The following GRM1 variants were observed in gnomAD, a reference collection of about 807,000 sequenced individuals.
GRM1 encodes the protein glutamate metabotropic receptor 1, also known as metabotropic glutamate receptor 1.
In GRM1, 33 loss-of-function variants were observed where a neutral mutation model predicts 90.9. That is an observed-to-expected ratio of 0.36 (90% CI 0.28 to 0.49). The LOEUF is 0.49. Among genes scored for constraint, GRM1 ranks in the 20% least tolerant of loss-of-function variants. GRM1 has a pLI of 0.99. For synonymous variants in GRM1, 700 were observed against 613.2 expected, an observed-to-expected ratio of 1.14 and a Z score of -2.09; for missense variants, 1,190 against 1,534.3, an observed-to-expected ratio of 0.78 and a Z score of 3.75.
chr6:146,313,489 C>T (rs112340539), intron 3 of GRM1, among the ~76,000 whole-genome samples: 30 of 152,258 alleles, frequency 2.0e-4, no homozygotes, highest in African/African-American at 6.7e-4. Flanking sequence ...GTTTCTATGG[C>T]ATTTTCCCAT....
In GRM1 at chr6:146,132,523, GT is replaced by G. The variant is rs557644671; in HGVS notation, c.701-26824del. Reference sequence around the variant, plus strand: ...ATCACATGCACAGGTGTGCATGTGTGTGTGGGTGTGGGTGTATTTGGAATTG... The same window carrying G: ...ATCACATGCACAGGTGTGCATGTGTGGTGGGTGTGGGTGTATTTGGAATTG... On this transcript the variant is annotated intron_variant, in intron 1 of 7. Coordinates refer to ENST00000282753, the MANE Select transcript of GRM1 (RefSeq NM_001278064.2). Among the ~76,000 whole-genome samples the G allele has an allele frequency of 3.9e-5, 6 of 152,300 alleles. No homozygotes were observed. The South Asian group carries it at 1.2e-3, about 32-fold the overall frequency.
intron 1 of GRM1, among the ~76,000 whole-genome samples, chr6:146,148,015 T>C (rs187098207): frequency 1.3e-5 from 2 of 152,210 alleles, no homozygotes; most frequent in African/African-American, 4.8e-5. Context: ...AGTATGTAGA[T>C]ATCACAGAAA....
chr6:146,229,741 C>G (rs79345435), intron 2 of GRM1, among the ~76,000 whole-genome samples: 1 of 151,836 alleles, frequency 6.6e-6, no homozygotes, highest in East Asian at 1.9e-4. Flanking sequence ...GGGATAACAC[C>G]CAAACAAAAT....
chr6:146,151,956 C>T (rs1777353331), intron 1 of GRM1, among the ~76,000 whole-genome samples: 1 of 152,208 alleles, frequency 6.6e-6, no homozygotes, highest in East Asian at 1.9e-4. Flanking sequence ...TAAATATTGT[C>T]ACATAACTAA....
intron 2 of GRM1, among the ~76,000 whole-genome samples, chr6:146,227,903 A>T (rs1321499564): frequency 6.6e-6 from 1 of 152,170 alleles, no homozygotes; most frequent in African/African-American, 2.4e-5. Flanking sequence ...CAATTTATTC[A>T]GTTTTAGAGG....
At chr6:146,168,863 G>T (rs1033417586) in intron 2 of GRM1, among the ~76,000 whole-genome samples, 1 of 152,044 alleles carries the variant, frequency 6.6e-6, no homozygotes, top group African/African-American at 2.4e-5. Flanking sequence ...ATCACTGAAT[G>T]CTCTTAAGCA....
chr6:146,180,658 A>G (rs1778518123), intron 2 of GRM1, among the ~76,000 whole-genome samples: 1 of 151,578 alleles, frequency 6.6e-6, no homozygotes, highest in Non-Finnish European at 1.5e-5. Flanking sequence ...TTTTTTTTCT[A>G]AATCCAAAGG....
At chr6:146,038,270 G>A (rs1790965025) in intron 1 of GRM1, among the ~76,000 whole-genome samples, 1 of 151,922 alleles carries the variant, frequency 6.6e-6, no homozygotes, top group South Asian at 2.1e-4. Context: ...ACTAGAAGTG[G>A]TATGGAGTGG....
intron 2 of GRM1, among the ~76,000 whole-genome samples, chr6:146,212,757 T>C (rs1280092142): frequency 6.6e-6 from 1 of 152,214 alleles, no homozygotes; most frequent in East Asian, 1.9e-4. Flanking sequence ...TTTAGCTGTA[T>C]ACCCCCATTT....
At chr6:146,316,813 G>A (rs1173978906) in intron 3 of GRM1, among the ~76,000 whole-genome samples, 2 of 152,178 alleles carry the variant, frequency 1.3e-5, no homozygotes, top group Admixed American at 6.5e-5. Flanking sequence ...AGGGCCAGGC[G>A]GCTGTCTGCC....
At chr6:146,360,949 G>C (rs148091425) in intron 5 of GRM1, among the ~76,000 whole-genome samples, 2 of 152,284 alleles carry the variant, frequency 1.3e-5, no homozygotes, top group East Asian at 3.9e-4. Flanking sequence ...GGCCTCAAGA[G>C]GTCACTGGAT....
intron 2 of GRM1, among the ~76,000 whole-genome samples, chr6:146,195,291 AT>A (rs1262172504): frequency 6.6e-6 from 1 of 152,232 alleles, no homozygotes; most frequent in Non-Finnish European, 1.5e-5. Flanking sequence ...CGAAGACGTA[AT>A]TGCAACCATC....
intron 1 of GRM1, among the ~76,000 whole-genome samples, chr6:146,063,277 A>T (rs1775734039): frequency 6.6e-6 from 1 of 152,162 alleles, no homozygotes; most frequent in Admixed American, 6.6e-5. Context: ...TAACGGGAAA[A>T]TTTTTTGAAA....
intron 1 of GRM1, among the ~76,000 whole-genome samples, chr6:146,082,551 C>T (rs761195117): frequency 6.6e-6 from 1 of 152,086 alleles, no homozygotes; most frequent in African/African-American, 2.4e-5. Context: ...TTATCTTTAA[C>T]CCCTTCCTTT....
intron 2 of GRM1, among the ~76,000 whole-genome samples, chr6:146,292,063 T>A (rs1251763099): frequency 6.6e-6 from 1 of 151,950 alleles, no homozygotes; most frequent in Admixed American, 6.6e-5. Flanking sequence ...GGAAAAATAG[T>A]CTCAACAAAT....
intron 2 of GRM1, among the ~76,000 whole-genome samples, chr6:146,173,128 G>A (rs988203768): frequency 1.3e-5 from 2 of 152,006 alleles, no homozygotes; most frequent in African/African-American, 2.4e-5. Flanking sequence ...AGCAACTCAC[G>A]CCTGTAATTC....
chr6:146,105,793 G>T (rs1777206104), intron 1 of GRM1, among the ~76,000 whole-genome samples: 1 of 152,120 alleles, frequency 6.6e-6, no homozygotes, highest in Non-Finnish European at 1.5e-5. Context: ...AAGAAATTAA[G>T]AATAACAGGA....
At chr6:146,222,627 G>A (rs572936432) in intron 2 of GRM1, among the ~76,000 whole-genome samples, 1 of 152,070 alleles carries the variant, frequency 6.6e-6, no homozygotes, top group Non-Finnish European at 1.5e-5. Flanking sequence ...TGATGGATTG[G>A]TTGAGGCCCA....
rs1039521485 is a variant in GRM1 at position 146,185,719 on chromosome 6, G to A, written c.950+26122G>A. ...TCCTACCTATTTGATTCCAATCAGC[G>A]TTTGATGCTAGCAATCCCACCCACA... On this transcript the variant is annotated intron_variant, in intron 2 of 7. Coordinates refer to ENST00000282753, the MANE Select transcript of GRM1 (RefSeq NM_001278064.2). Among the ~76,000 whole-genome samples, 11 of 152,218 alleles carry A rather than the reference G, an allele frequency of 7.2e-5. No homozygotes were observed. In the East Asian group the frequency reaches 1.9e-3, roughly 27 times the overall value.
Sources: gnomAD v4.1 joint callset for allele counts (sites outside exome capture counted in the v4.1 genomes callset) on GRCh38, gnomAD v4.1.1 for gene constraint, MANE v1.5 for transcripts, NCBI Gene and HGNC (gene_info 2026-07-23, HGNC 2026-07-21) for gene names.